Variants in NKAP observed in about 807,000 individuals in gnomAD.
The protein encoded by NKAP is NFKB activating protein, also known as NF-kappa-B-activating protein.
A neutral mutation model predicts 35.6 loss-of-function variants in NKAP; 4 were observed. That is an observed-to-expected ratio of 0.11 (90% CI 0.06 to 0.26). The LOEUF is 0.26. Among genes scored for constraint, NKAP ranks in the 10% least tolerant of loss-of-function variants. The pLI is 1.00. For synonymous variants in NKAP, 106 were observed against 119.2 expected (o/e 0.89, Z 0.72); for missense variants, 238 against 321.9 (o/e 0.74, Z 1.99).
intron 7 of NKAP, among the ~76,000 whole-genome samples, chrX:119,931,061 G>A (rs1356099383): frequency 2.7e-5 from 3 of 109,556 alleles, no homozygotes; most frequent in East Asian, 5.8e-4. Flanking sequence ...AGAATCACTT[G>A]AATCTGGGAG....
chrX:119,931,815 T>A, intron 7 of NKAP, 121 bp downstream of exon 7: 1 of 571,255 alleles, frequency 1.8e-6, no homozygotes. Context: ...TATTTAGTAG[T>A]CCAGCTCAGC....
chrX:119,926,474 C>T (rs2056714669), intron 8 of NKAP, among the ~76,000 whole-genome samples: 1 of 107,684 alleles, frequency 9.3e-6, no homozygotes, highest in Non-Finnish European at 1.9e-5. Context: ...GCCATGTTGG[C>T]CATGCTGGTT....
chrX:119,942,241 C>T (rs970506124), intron 1 of NKAP, among the ~76,000 whole-genome samples: 1 of 110,768 alleles, frequency 9.0e-6, no homozygotes, highest in Non-Finnish European at 1.9e-5. Flanking sequence ...CGGAGGCCAA[C>T]GTGGGAGGAT....
rs1036920298 is a variant in NKAP at position 119,942,042 on chromosome X, G to T, written c.386+1178C>A. ...TCAGGCACTGTACTAAGTTATTTAC[G>T]TGCACTTATATGTTTAAAAAAATGA... On this transcript the variant is annotated intron_variant, in intron 1 of 8. Transcript: ENST00000371410. Among the ~76,000 whole-genome samples the T allele has an allele frequency of 5.3e-5, 6 of 112,168 alleles. No individual in the cohort carries two copies. In the Admixed American group the frequency reaches 5.7e-4, roughly 11 times the overall value.
At chrX:119,931,375 G>A (rs1271038722) in intron 7 of NKAP, among the ~76,000 whole-genome samples, 3 of 107,061 alleles carry the variant, frequency 2.8e-5, no homozygotes, top group Admixed American at 1.0e-4. Flanking sequence ...GTGTGGTGGC[G>A]CGTGCCTGTA....
chrX:119,925,387 G>T lies in NKAP; in HGVS notation c.1081C>A (p.Arg361=). The change falls in exon 9 of 9, where the codon CGA becomes AGA. Residue 361 remains arginine, a synonymous_variant. Transcript: ENST00000371410. ...GYVMSGSRHR[R]MEAVRLRKEN... ...TTTCGCAGTCGCACAGCCTCCATTC[G>T]GCGATGCCTGGAGAGAATTTTATTT... 3 of 1,194,547 alleles carry T rather than the reference G, an allele frequency of 2.5e-6. No individual in the cohort carries two copies. The highest frequency in any genetic ancestry group is 3.4e-6 in the Non-Finnish European group (3 of 890,675).
intron 7 of NKAP, among the ~76,000 whole-genome samples, chrX:119,931,697 C>T (rs1308666258): frequency 1.8e-5 from 2 of 110,137 alleles, no homozygotes; most frequent in Admixed American, 9.9e-5. Flanking sequence ...AAGAAACTGG[C>T]GATAGGGAAG....
chrX:119,940,354 CA>C (rs386419406), intron 1 of NKAP, among the ~76,000 whole-genome samples: 27,434 of 68,702 alleles, frequency 0.4, 4,086 homozygotes, highest in South Asian at 0.63. Context: ...AATAAAAAAC[CA>C]AAAAAAAAAA....
chrX:119,941,533 C>T (rs2056793044), intron 1 of NKAP, among the ~76,000 whole-genome samples: 1 of 112,379 alleles, frequency 8.9e-6, no homozygotes, highest in African/African-American at 3.2e-5. Context: ...CAAGGTCACA[C>T]AGCTATTAAG....
At chrX:119,931,003 G>A (rs1374006317) in intron 7 of NKAP, among the ~76,000 whole-genome samples, 1 of 108,167 alleles carries the variant, frequency 9.2e-6, no homozygotes, top group African/African-American at 3.4e-5. Context: ...TAGTCCGGGC[G>A]TGGCGGCAGG....
At chrX:119,936,904 C>G (rs1190609136) in intron 2 of NKAP, 1 of 310,754 alleles carries the variant, frequency 3.2e-6, no homozygotes. Context: ...GTTCAAGGGT[C>G]TACCATCTTT....
In NKAP at chrX:119,924,340, C is replaced by T. The variant is rs935454601; in HGVS notation, c.*880G>A. On this transcript the variant is annotated 3_prime_UTR_variant, in exon 9 of 9. Transcript: ENST00000371410. ...AGATTGAAGTTTCTCATCTCACTAACACTTTTTGTTCAAGCCACCTCCTCC... is the reference window on the plus strand; with the variant it reads ...AGATTGAAGTTTCTCATCTCACTAATACTTTTTGTTCAAGCCACCTCCTCC... The T allele has an allele frequency of 2.7e-5, 3 of 111,060 alleles. No individual in the cohort carries two copies. Among genetic ancestry groups the T allele is most frequent in the African/African-American group, 9.8e-5 (3 of 30,655 alleles). The allele number at this position is 111,060 out of a possible 1,213,427, so 9.2% of individuals were successfully genotyped here. A position where few individuals can be genotyped will look rare whatever the true frequency, so the allele number is the denominator to read the frequency against.
At chrX:119,936,192 C>T (rs900081158) in intron 4 of NKAP, 105 bp downstream of exon 4, 6 of 907,376 alleles carry the variant, frequency 6.6e-6, no homozygotes, top group Non-Finnish European at 9.2e-6. Flanking sequence ...TGTTCAAAAA[C>T]TCTTCAGTAT....
At chrX:119,939,956 G>A (rs777575534) in intron 1 of NKAP, among the ~76,000 whole-genome samples, 4 of 107,565 alleles carry the variant, frequency 3.7e-5, no homozygotes, top group African/African-American at 6.7e-5. Flanking sequence ...TCCTGGCCTC[G>A]AGCAATCCTC....
rs1368107594 is a variant in NKAP at position 119,938,756 on chromosome X, T to C, written c.441A>G (p.Gly147=). ...IGELGAPEVW[G]LSPKNPEPDS... ...CTGGTTCAGGATTCTTTGGAGAAAG[T>C]CCCCATACTTCAGGAGCTCCCAATT... Residue 147 remains glycine (G), a synonymous_variant, in exon 2 of 9, where the codon GGA becomes GGG. Coordinates refer to ENST00000371410, the MANE Select transcript of NKAP (RefSeq NM_024528.4). 8.3e-7 allele frequency: 1 copy of C among 1,198,973 alleles called. No homozygotes were observed. The highest frequency in any genetic ancestry group is 1.8e-5 in the South Asian group (1 of 54,541).
In NKAP at chrX:119,925,199, T is replaced by C. The variant is rs748401586; in HGVS notation, c.*21A>G. The stretch of plus-strand genomic sequence containing the variant: ...TTTCTTTTTTGTTGTTAAAAATGTC[T>C]TCTGGACAATCAGAAAATCTTTATT... On this transcript the variant is annotated 3_prime_UTR_variant, in exon 9 of 9. Transcript: ENST00000371410. 19 of 1,203,743 alleles carry C rather than the reference T, an allele frequency of 1.6e-5. No homozygotes were observed. The South Asian group carries it at 3.4e-4, about 22-fold the overall frequency.
In NKAP at chrX:119,943,596, C is replaced by A. The variant is rs990783511; in HGVS notation, c.10G>T (p.Val4Leu). ...CTATCCGGGCTGCGTGAGCCGGACA[C>A]CGGAGCCATGGCTACTGGGGGGCCC... MAPVSGSRSPDREA... is the reference protein window; with the variant it reads MAPLSGSRSPDREA... Residue 4 changes from valine (V) to leucine (L), a missense_variant, in exon 1 of 9, where the codon GTG becomes TTG. Physicochemically the swap from Val to Leu is conservative, Grantham distance 32. Transcript: ENST00000371410. The A allele has an allele frequency of 8.5e-7, 1 of 1,180,047 alleles. No individual in the cohort carries two copies.
intron 5 of NKAP, chrX:119,932,433 C>A: frequency 1.1e-5 from 3 of 278,876 alleles, no homozygotes; most frequent in African/African-American, 3.1e-5. Context: ...ACCTGGGAAA[C>A]AGAGCAAGAC....
At chrX:119,935,932 A>C (rs1188352357) in intron 4 of NKAP, among the ~76,000 whole-genome samples, 7 of 111,965 alleles carry the variant, frequency 6.3e-5, no homozygotes, top group Non-Finnish European at 1.9e-5. Flanking sequence ...TGTAAGGCTT[A>C]CTTTGGTACA....
Sources: gnomAD v4.1 joint callset for allele counts (sites outside exome capture counted in the v4.1 genomes callset) on GRCh38, gnomAD v4.1.1 for gene constraint, MANE v1.5 for transcripts, NCBI Gene and HGNC (gene_info 2026-07-23, HGNC 2026-07-21) for gene names.